PCDHGA8: variants seen among roughly 807,000 people sequenced by gnomAD.
PCDHGA8 encodes the protein protocadherin gamma-A8.
A neutral mutation model predicts 59.2 loss-of-function variants in PCDHGA8; 45 were observed. The ratio of observed to expected loss-of-function variants is 0.76; its 90% CI spans 0.60 to 0.98. PCDHGA8 has a LOEUF of 0.98. Among genes scored for constraint, PCDHGA8 ranks in the 50% least tolerant of loss-of-function variants. The probability of loss-of-function intolerance (pLI) is 0.00; values close to 1 mark genes in which losing one functional copy is unlikely to be tolerated. For synonymous variants in PCDHGA8, 531 were observed against 519.0 expected, an observed-to-expected ratio of 1.02 and a Z score of -0.32; for missense variants, 1,257 against 1,196.2, an observed-to-expected ratio of 1.05 and a Z score of -0.75.
chr5:141,392,842 G>A lies in PCDHGA8; in HGVS notation c.29G>A (p.Arg10His). 1 of 1,609,312 alleles carries A rather than the reference G, an allele frequency of 6.2e-7. No individual in the cohort carries two copies. Reference sequence around the variant, plus strand: ...GCCGCTCCACAGAGTCGCCCCAGACGCGGCGAGCTGATCCTGCTGTGCGCG... The same window carrying A: ...GCCGCTCCACAGAGTCGCCCCAGACACGGCGAGCTGATCCTGCTGTGCGCG... Reference protein sequence around the residue: MAAPQSRPRRGELILLCALL... With the variant: MAAPQSRPRHGELILLCALL... The change falls in exon 1 of 4, where the codon CGC becomes CAC. Residue 10 changes from arginine (R) to histidine (H), a missense_variant. Arg to His is a conservative substitution (Grantham distance 29). Transcript: ENST00000398604.
In PCDHGA8 at chr5:141,490,770, C is replaced by T. The variant is rs774014462; in HGVS notation, c.2425-4037C>T. 1.2e-6 allele frequency: 2 copies of T among 1,614,120 alleles called. No individual in the cohort carries two copies. Among genetic ancestry groups the T allele is most frequent in the Non-Finnish European group, 8.5e-7 (1 of 1,179,968 alleles). ...CAGCCTCCTCCTTTGTGTATGTCAA[C>T]CCAGAGGATGGACGGATCTTTGCCC... On this transcript the variant is annotated intron_variant, in intron 1 of 3. Transcript: ENST00000398604. The surrounding 1 kb of genome is among the most constrained non-coding windows in gnomAD (Gnocchi z 5.4).
intron 1 of PCDHGA8, among the ~76,000 whole-genome samples, chr5:141,481,103 C>G (rs190529217): frequency 2.6e-4 from 39 of 152,252 alleles, no homozygotes; most frequent in Non-Finnish European, 3.4e-4. Context: ...TACTCTGGAA[C>G]CTACCAATCC....
At chr5:141,447,657 C>A (rs997179275) in intron 1 of PCDHGA8, among the ~76,000 whole-genome samples, 4 of 152,088 alleles carry the variant, frequency 2.6e-5, no homozygotes, top group Non-Finnish European at 4.4e-5. Context: ...TTTTCCCCCC[C>A]AGGAAGTTAG....
At position 141,490,118 on chromosome 5, in the gene PCDHGA8, T is replaced by G. The variant is rs1448768968; in HGVS notation, c.2425-4689T>G. The G allele has an allele frequency of 6.2e-7, 1 of 1,614,158 alleles. No individual in the cohort carries two copies. Among genetic ancestry groups the G allele is most frequent in the Non-Finnish European group, 8.5e-7 (1 of 1,180,048 alleles). On this transcript the variant is annotated intron_variant, in intron 1 of 3. Transcript: ENST00000398604. This position sits in a 1 kb window ranked among gnomAD's most constrained non-coding sequence, Gnocchi z 5.4. ...ACATCTGAGGCAGTGCGGAACCTCT[T>G]TGGCCTAGACCCTAGCAGTGGGGCA...
At chr5:141,478,137 G>C (rs762316494) in intron 1 of PCDHGA8, 1 of 1,613,872 alleles carries the variant, frequency 6.2e-7, no homozygotes, top group South Asian at 1.1e-5. Context: ...CCTGAAGCCC[G>C]AGCCGAGTTC....
In PCDHGA8 at chr5:141,505,419, C is replaced by T; in HGVS notation, c.2510C>T (p.Thr837Ile). 3 of 1,614,258 alleles carry T rather than the reference C, an allele frequency of 1.9e-6. No homozygotes were observed. Among genetic ancestry groups the T allele is most frequent in the Non-Finnish European group, 2.5e-6 (3 of 1,180,054 alleles). Residue 837 changes from threonine to isoleucine, a missense_variant, in exon 3 of 4, where the codon ACC becomes ATC. By Grantham distance (89) the Thr-to-Ile change is moderately conservative. Transcript: ENST00000398604. The part of the protein sequence containing the change: ...SGSQNGDDTG[T>I]WPNNQFDTEM... ...TCCCAAAATGGCGATGACACCGGCA[C>T]CTGGCCCAACAACCAGTTTGACACA...
At chr5:141,402,765 C>T (rs2150942715) in intron 1 of PCDHGA8, among the ~76,000 whole-genome samples, 1 of 152,322 alleles carries the variant, frequency 6.6e-6, no homozygotes, top group Admixed American at 6.5e-5. Flanking sequence ...ATCAGGACTC[C>T]ATCCGGATTT....
chr5:141,428,744 T>C (rs939886054), intron 1 of PCDHGA8: 10 of 155,306 alleles, frequency 6.4e-5, no homozygotes, highest in African/African-American at 2.4e-4. Context: ...ATATCTACTA[T>C]TGCTTCAGGT....
Position 141,489,748 on chromosome 5 carries a change from T to G in PCDHGA8, c.2425-5059T>G. 6.2e-7 allele frequency: 1 copy of G among 1,614,156 alleles called. No homozygotes were observed. Among genetic ancestry groups the G allele is most frequent in the African/African-American group, 1.3e-5 (1 of 75,054 alleles). On this transcript the variant is annotated intron_variant, in intron 1 of 3. Transcript: ENST00000398604. This position sits in a 1 kb window ranked among gnomAD's most constrained non-coding sequence, Gnocchi z 4.5. ...TGTGGGCACCAATACTGTGAGCTTTTACACTCTAAGCCCCAACAGCCACTT... is the reference window on the plus strand; with the variant it reads ...TGTGGGCACCAATACTGTGAGCTTTGACACTCTAAGCCCCAACAGCCACTT...
intron 1 of PCDHGA8, among the ~76,000 whole-genome samples, chr5:141,467,039 A>G (rs1467529268): frequency 2.6e-5 from 4 of 150,960 alleles, no homozygotes; most frequent in Non-Finnish European, 5.9e-5. Context: ...TTTTTTGTGT[A>G]ATGAATCAAT....
At chr5:141,454,426 GAC>G (rs746508144) in intron 1 of PCDHGA8, among the ~76,000 whole-genome samples, 3 of 152,168 alleles carry the variant, frequency 2.0e-5, no homozygotes, top group Non-Finnish European at 2.9e-5. Context: ...TTTATTTAGA[GAC>G]AGAGTTTCAC....
chr5:141,404,171 G>A (rs532466154), intron 1 of PCDHGA8: 1 of 1,612,734 alleles, frequency 6.2e-7, no homozygotes, highest in South Asian at 1.1e-5. Flanking sequence ...ATTGTTGACG[G>A]CCCAAATTCT....
chr5:141,471,637 T>G (rs1284100810), intron 1 of PCDHGA8: 1 of 152,198 alleles, frequency 6.6e-6, no homozygotes, highest in Non-Finnish European at 1.5e-5. Context: ...TATGGATTAG[T>G]AATATACTGG....
In PCDHGA8 at chr5:141,477,041, C is replaced by A; in HGVS notation, c.2425-17766C>A. 3 of 1,614,242 alleles carry A rather than the reference C, an allele frequency of 1.9e-6. No individual in the cohort carries two copies. Among genetic ancestry groups the A allele is most frequent in the Admixed American group, 1.7e-5 (1 of 60,036 alleles). Reference sequence around the variant, plus strand: ...AACCGGGATGCTGACAATCAAGGGTCGGCTGGACTTCGAGGACACCAAACT... The same window carrying A: ...AACCGGGATGCTGACAATCAAGGGTAGGCTGGACTTCGAGGACACCAAACT... On this transcript the variant is annotated intron_variant, in intron 1 of 3. Transcript: ENST00000398604. The surrounding 1 kb of genome is among the most constrained non-coding windows in gnomAD (Gnocchi z 4.9).
intron 1 of PCDHGA8, chr5:141,409,447 AC>A (rs779658060): frequency 1.4e-4 from 222 of 1,613,890 alleles, no homozygotes; most frequent in Non-Finnish European, 1.8e-4. Context: ...GAGAGCAGAC[AC>A]CAGAATACAA....
chr5:141,403,049 T>A, intron 1 of PCDHGA8: 1 of 1,614,056 alleles, frequency 6.2e-7, no homozygotes, highest in Non-Finnish European at 8.5e-7. Context: ...TCAGATTCGC[T>A]ACTCAGTGCC....
intron 1 of PCDHGA8, chr5:141,395,501 A>T: frequency 2.1e-6 from 1 of 467,130 alleles, no homozygotes; most frequent in African/African-American, 2.0e-5. Context: ...TCATTCACTT[A>T]AGAAGTAGCT....
intron 1 of PCDHGA8, chr5:141,399,115 G>C: frequency 6.2e-7 from 1 of 1,613,814 alleles, no homozygotes; most frequent in Non-Finnish European, 8.5e-7. Context: ...ATGTACAGTT[G>C]AAATTAATAT....
At chr5:141,419,146 G>A in intron 1 of PCDHGA8, 1 of 1,613,922 alleles carries the variant, frequency 6.2e-7, no homozygotes, top group Non-Finnish European at 8.5e-7. Context: ...ACAGGGGCAA[G>A]CCTCCGTTAT....
Sources: gnomAD v4.1 joint callset for allele counts (sites outside exome capture counted in the v4.1 genomes callset) on GRCh38, gnomAD v4.1.1 for gene constraint, Gnocchi (gnomAD v3.1) non-coding constraint, MANE v1.5 for transcripts, NCBI Gene and HGNC (gene_info 2026-07-23, HGNC 2026-07-21) for gene names.